The following PRKDC variants were observed in gnomAD, a reference collection of about 807,000 sequenced individuals.
The protein encoded by PRKDC is protein kinase, DNA-activated, catalytic subunit.
Under a neutral mutation model 486.9 loss-of-function variants are expected in PRKDC, and 82 were observed. The ratio of observed to expected loss-of-function variants is 0.17; its 90% CI spans 0.14 to 0.20. The LOEUF (loss-of-function observed/expected upper bound fraction) is 0.20. Ranked by LOEUF, PRKDC falls within the 10% of genes least tolerant of loss-of-function variation. The probability of loss-of-function intolerance (pLI) is 1.00; values close to 1 mark genes in which losing one functional copy is unlikely to be tolerated. For missense variants in PRKDC, 4,504 were observed against 5,038.2 expected, an observed-to-expected ratio of 0.89 and a Z score of 3.21; for synonymous variants, 1,895 against 1,837.0, an observed-to-expected ratio of 1.03 and a Z score of -0.81.
In PRKDC at chr8:47,935,746, C is replaced by T; in HGVS notation, c.1433G>A (p.Cys478Tyr). The T allele has an allele frequency of 6.2e-7, 1 of 1,613,760 alleles. No individual in the cohort carries two copies. Among genetic ancestry groups the T allele is most frequent in the Non-Finnish European group, 8.5e-7 (1 of 1,179,818 alleles). ...LAAKGPVLRN[C>Y]ISTVVHQGLI... ...TGCAAACTTACCCACAGTACTAATG[C>T]AATTCCTGAGAACTGGCCCTTTTGC... Residue 478 changes from cysteine (C) to tyrosine (Y), a missense_variant, in exon 13 of 86, where the codon TGC (cysteine) becomes TAC (tyrosine). By Grantham distance (194) the Cys-to-Tyr change is radical (BLOSUM62 -2). Coordinates refer to ENST00000314191, the MANE Select transcript of PRKDC (RefSeq NM_006904.7).
chr8:47,895,985 G>C (rs180931307), intron 30 of PRKDC, among the ~76,000 whole-genome samples: 312 of 152,164 alleles, frequency 2.1e-3, no homozygotes, highest in Non-Finnish European at 3.7e-3. Context: ...GCTGCAGTGA[G>C]CCAAGATCGT....
chr8:47,897,442 T>C, intron 29 of PRKDC, 148 bp from the exon 30 acceptor site: 2 of 778,868 alleles, frequency 2.6e-6, no homozygotes, highest in Non-Finnish European at 3.8e-6. Flanking sequence ...TAATGTATTA[T>C]AATTAGATGC....
At chr8:47,956,063 G>A in intron 3 of PRKDC, 115 bp from the exon 4 acceptor site, 1 of 784,082 alleles carries the variant, frequency 1.3e-6, no homozygotes. Flanking sequence ...GTATTTAGCT[G>A]TGGAAAATAT....
chr8:47,850,709 G>C (rs1163196241), intron 52 of PRKDC, among the ~76,000 whole-genome samples: 3 of 152,206 alleles, frequency 2.0e-5, no homozygotes, highest in African/African-American at 7.2e-5. Context: ...AAGAAAGCAA[G>C]TTATAAAACA....
intron 19 of PRKDC, among the ~76,000 whole-genome samples, 160 bp downstream of exon 19, chr8:47,928,932 C>T (rs1046235531): frequency 1.3e-5 from 2 of 152,130 alleles, no homozygotes; most frequent in South Asian, 2.1e-4. Context: ...CCTTGTGATC[C>T]TCCCACCTCG....
intron 11 of PRKDC, among the ~76,000 whole-genome samples, chr8:47,938,300 A>G (rs2090387800): frequency 6.6e-6 from 1 of 151,628 alleles, no homozygotes. Context: ...TAATCCCAGC[A>G]CTTGGGAGGC....
Position 47,900,481 on chromosome 8 carries a change from A to T in PRKDC, c.3270-14T>A, listed in dbSNP as rs779582459. ...GACTCTTCTTCCCTGTAAAATAAAG[A>T]ATAGGAAACCTCACCTAAGAAAACA... On this transcript the variant is annotated splice_polypyrimidine_tract_variant and intron_variant, in intron 27 of 85. Coordinates refer to ENST00000314191, the MANE Select transcript of PRKDC (RefSeq NM_006904.7). 1.9e-6 allele frequency: 3 copies of T among 1,582,754 alleles called. No homozygotes were observed. In the South Asian group the frequency reaches 3.5e-5, roughly 18 times the overall value.
In PRKDC at chr8:47,777,817, T is replaced by C. The variant is rs776137186; in HGVS notation, c.11911A>G (p.Met3971Val). Residue 3971 changes from methionine (M) to valine (V), a missense_variant, in exon 84 of 86, where the codon ATG becomes GTG. This residue lies in a region of PRKDC where 706 missense variants were observed against 945.0 expected (regional missense o/e 0.75). Transcript: ENST00000314191. ...AGGCCCGTTTCTTTCATTGGTAACA[T>C]CAGATTGATAAACTGGCGAGTTAGC... is the stretch of plus-strand genomic sequence containing the variant. Reference protein sequence around the residue: ...FRLTRQFINLMLPMKETGLMY... With the variant: ...FRLTRQFINLVLPMKETGLMY... The C allele has an allele frequency of 2.5e-6, 4 of 1,613,814 alleles. No individual in the cohort carries two copies. The highest frequency in any genetic ancestry group is 3.4e-6 in the Non-Finnish European group (4 of 1,179,906).
At chr8:47,935,669 C>A in intron 13 of PRKDC, 63 bp downstream of exon 13, 1 of 1,521,398 alleles carries the variant, frequency 6.6e-7, no homozygotes, top group South Asian at 1.3e-5. Flanking sequence ...TTCTCTTTAC[C>A]TATATCAAAT....
intron 59 of PRKDC, among the ~76,000 whole-genome samples, chr8:47,832,142 A>G (rs1287671915): frequency 4.6e-5 from 7 of 152,236 alleles, no homozygotes; most frequent in Non-Finnish European, 8.8e-5. Flanking sequence ...CTCCAGAGGG[A>G]GGCCCAGGGA....
intron 60 of PRKDC, 30 bp from the exon 61 acceptor site, chr8:47,830,766 G>C: frequency 1.2e-6 from 2 of 1,613,572 alleles, no homozygotes; most frequent in Non-Finnish European, 1.7e-6. Context: ...AGAAGAAGAT[G>C]AGCATTCTCA....
chr8:47,919,535 A>C (rs563582639), intron 21 of PRKDC, among the ~76,000 whole-genome samples: 2 of 152,320 alleles, frequency 1.3e-5, no homozygotes, highest in Admixed American at 1.3e-4. Context: ...CAGCCAGGTG[A>C]GCTGCGCCGC....
intron 32 of PRKDC, 51 bp from the exon 33 acceptor site, chr8:47,889,273 T>G: frequency 6.8e-7 from 1 of 1,476,614 alleles, no homozygotes; most frequent in Non-Finnish European, 9.1e-7. Context: ...ACTTCTATTT[T>G]CACCAAAGTG....
Position 47,893,305 on chromosome 8 carries a change from AC to A in PRKDC, c.3680del (p.Gly1227ValfsTer50). 1.2e-6 allele frequency: 2 copies of A among 1,607,880 alleles called. No individual in the cohort carries two copies. The highest frequency in any genetic ancestry group is 1.7e-5 in the Admixed American group (1 of 59,488). On this transcript the variant is annotated frameshift_variant, in exon 31 of 86. Transcript: ENST00000314191. LOFTEE classifies it high-confidence loss of function. ...VSFLINTFEG[G>X]GCGQPSGILA... ...GGATGCCCGAGGGCTGGCCACAGCCACCCCCCTCAAAGGTGTTGATGAGAAA... is the reference window on the plus strand; with the variant it reads ...GGATGCCCGAGGGCTGGCCACAGCCACCCCCTCAAAGGTGTTGATGAGAAA...
At chr8:47,951,993 G>GCAAGCT (rs2090633047) in intron 7 of PRKDC, among the ~76,000 whole-genome samples, 1 of 152,200 alleles carries the variant, frequency 6.6e-6, no homozygotes, top group Admixed American at 6.5e-5. Flanking sequence ...TGGAGAAGCT[G>GCAAGCT]CAACCCTTGT....
Position 47,902,621 on chromosome 8 carries a change from A to G in PRKDC, c.3217T>C (p.Phe1073Leu). ...GCAAGTGATGCTCCCAGCCTCTTGA[A>G]AGCATTGGGGTGAAGCGCAAGGCTA... ...LYSLALHPNAFKRLGASLAFN... is the reference protein window; with the variant it reads ...LYSLALHPNALKRLGASLAFN... The change falls in exon 27 of 86, where the codon TTC becomes CTC. Residue 1073 changes from phenylalanine (F) to leucine (L), a missense_variant. Phe to Leu is a conservative substitution (Grantham distance 22). Transcript: ENST00000314191. 1 of 1,609,438 alleles carries G rather than the reference A, an allele frequency of 6.2e-7. No homozygotes were observed. The highest frequency in any genetic ancestry group is 8.5e-7 in the Non-Finnish European group (1 of 1,178,142).
intron 48 of PRKDC, among the ~76,000 whole-genome samples, chr8:47,858,253 T>C (rs1231963409): frequency 6.8e-6 from 1 of 147,754 alleles, no homozygotes; most frequent in Non-Finnish European, 1.5e-5. Context: ...AGCAGCTACA[T>C]GTACTTTATA....
intron 7 of PRKDC, 69 bp from the exon 8 acceptor site, chr8:47,944,098 C>T (rs2090490363): frequency 8.0e-7 from 1 of 1,242,446 alleles, no homozygotes; most frequent in Non-Finnish European, 1.2e-6. Context: ...TTACAGACAG[C>T]TTGACACCTA....
chr8:47,924,974 G>A (rs374689820), intron 21 of PRKDC, among the ~76,000 whole-genome samples: 3 of 151,924 alleles, frequency 2.0e-5, no homozygotes, highest in Non-Finnish European at 2.9e-5. Context: ...TACCTCCATC[G>A]CCCTTCTCAC....
Sources: gnomAD v4.1 joint callset for allele counts (sites outside exome capture counted in the v4.1 genomes callset) on GRCh38, gnomAD v4.1.1 for gene constraint, gnomAD v4.1.1 regional missense constraint, MANE v1.5 for transcripts, NCBI Gene and HGNC (gene_info 2026-07-23, HGNC 2026-07-21) for gene names.